Variants in SLC41A3 observed in about 807,000 individuals in gnomAD.
SLC41A3 encodes the protein solute carrier family 41 member 3.
Under a neutral mutation model 45.4 loss-of-function variants are expected in SLC41A3, and 44 were observed. That is an observed-to-expected ratio of 0.97 (90% CI 0.76 to 1.25). The LOEUF is 1.25. SLC41A3 is among the 50% of genes most tolerant of loss of function. SLC41A3 has a pLI of 0.00. For synonymous variants in SLC41A3, 256 were observed against 252.4 expected (o/e 1.01, Z -0.13); for missense variants, 550 against 600.6 (o/e 0.92, Z 0.88).
rs928606820 is a variant in SLC41A3 at position 126,050,862 on chromosome 3, C to T, written c.381+81G>A. The stretch of plus-strand genomic sequence containing the variant: ...TGTTTTGGAGAATCCAACCCACCGC[C>T]CACAAGCCAGGGGAGACCAGGTGGT... On this transcript the variant is annotated intron_variant, in intron 3 of 10. Coordinates refer to ENST00000360370, the MANE Select transcript of SLC41A3 (RefSeq NM_017836.4). The T allele has an allele frequency of 2.0e-6, 3 of 1,492,154 alleles. No homozygotes were observed. The Admixed American group carries it at 6.8e-5, about 34-fold the overall frequency. 92.4% of individuals were successfully genotyped at this position (1,492,154 alleles called of 1,614,324 possible).
rs77162914 is a variant in SLC41A3 at position 126,066,648 on chromosome 3, A to G, written c.273+1299T>C. Among the ~76,000 whole-genome samples the G allele has an allele frequency of 1.1e-4, 16 of 152,328 alleles. No homozygotes were observed. In the East Asian group the frequency reaches 2.9e-3, roughly 28 times the overall value. Reference sequence around the variant, plus strand: ...GCGGGAGTTCAGTCAGAGTAGTGGGAAAAATTATAAAGATAGTTATAGGAA... The same window carrying G: ...GCGGGAGTTCAGTCAGAGTAGTGGGGAAAATTATAAAGATAGTTATAGGAA... On this transcript the variant is annotated intron_variant, in intron 2 of 10. Coordinates refer to ENST00000360370, the MANE Select transcript of SLC41A3 (RefSeq NM_017836.4).
chr3:126,013,643 G>A (rs1418787748), intron 8 of SLC41A3, among the ~76,000 whole-genome samples: 1 of 152,126 alleles, frequency 6.6e-6, no homozygotes, highest in Non-Finnish European at 1.5e-5. Context: ...GCATGCGGCA[G>A]GAGACATGCC....
At chr3:126,008,342 A>G (rs1458769648) in intron 10 of SLC41A3, among the ~76,000 whole-genome samples, 1 of 151,972 alleles carries the variant, frequency 6.6e-6, no homozygotes, top group African/African-American at 2.4e-5. Flanking sequence ...TGCAGTGTGT[A>G]GTGTGTGTGG....
At chr3:126,051,187 G>T in intron 2 of SLC41A3, 137 bp from the exon 3 acceptor site, 1 of 1,033,866 alleles carries the variant, frequency 9.7e-7, no homozygotes, top group Non-Finnish European at 1.3e-6. Flanking sequence ...TTCTTAAATG[G>T]CTTTAAACTA....
intron 8 of SLC41A3, 66 bp downstream of exon 8, chr3:126,015,428 C>T (rs1433686019): frequency 3.9e-6 from 6 of 1,543,716 alleles, no homozygotes; most frequent in Admixed American, 3.4e-5. Flanking sequence ...TCTGCTGTTC[C>T]GGTCCAACCC....
chr3:126,015,560 T>G lies in SLC41A3; in HGVS notation c.904A>C (p.Ile302Leu). Residue 302 changes from isoleucine (I) to leucine (L), a missense_variant, in exon 8 of 11, where the codon ATC (isoleucine) becomes CTC (leucine). Physicochemically the swap from Ile to Leu is conservative, Grantham distance 5 (BLOSUM62 2). Transcript: ENST00000360370. ...TGTTTAGAAACGGTTTTGCTCAAGATGAGTCCTCCGAAACTGGGGAAATAG... is the reference window on the plus strand; with the variant it reads ...TGTTTAGAAACGGTTTTGCTCAAGAGGAGTCCTCCGAAACTGGGGAAATAG... The part of the protein sequence containing the change: ...AMVISSFGGL[I>L]LSKTVSKQQY... 3 of 1,614,198 alleles carry G rather than the reference T, an allele frequency of 1.9e-6. No individual in the cohort carries two copies. Among genetic ancestry groups the G allele is most frequent in the Non-Finnish European group, 2.5e-6 (3 of 1,180,020 alleles).
intron 1 of SLC41A3, among the ~76,000 whole-genome samples, chr3:126,081,236 C>T (rs1459362957): frequency 6.6e-6 from 1 of 152,202 alleles, no homozygotes; most frequent in African/African-American, 2.4e-5. Context: ...GAGGTCATTA[C>T]ATTCAGTGAA....
chr3:126,061,577 T>C (rs886467768), intron 2 of SLC41A3, among the ~76,000 whole-genome samples: 1 of 151,782 alleles, frequency 6.6e-6, no homozygotes, highest in Admixed American at 6.6e-5. Flanking sequence ...CCTGAATGAG[T>C]GAATGAATGA....
chr3:126,015,633 A>T, intron 7 of SLC41A3, 60 bp from the exon 8 acceptor site: 1 of 1,504,660 alleles, frequency 6.6e-7, no homozygotes, highest in Non-Finnish European at 9.2e-7. Context: ...TGGCCCTGCA[A>T]CTCTCCACAC....
At chr3:126,094,446 G>A (rs776041698) in intron 1 of SLC41A3, among the ~76,000 whole-genome samples, 53 of 151,394 alleles carry the variant, frequency 3.5e-4, no homozygotes, top group Middle Eastern at 6.8e-3. Flanking sequence ...CAACATTTTC[G>A]CCTTGGAATT....
At chr3:126,080,929 C>A (rs540650709) in intron 1 of SLC41A3, among the ~76,000 whole-genome samples, 3 of 150,138 alleles carry the variant, frequency 2.0e-5, no homozygotes, top group Admixed American at 6.6e-5. Context: ...CTAGCCTGGG[C>A]AACAGAGCGA....
chr3:126,093,740 G>A (rs1945539764), intron 1 of SLC41A3, among the ~76,000 whole-genome samples: 1 of 152,356 alleles, frequency 6.6e-6, no homozygotes, highest in East Asian at 1.9e-4. Flanking sequence ...TGTGCCATAT[G>A]TGGGAATGGG....
chr3:126,008,973 C>G (rs1939424506), intron 9 of SLC41A3, 93 bp from the exon 10 acceptor site: 1 of 1,493,204 alleles, frequency 6.7e-7, no homozygotes, highest in African/African-American at 1.4e-5. Context: ...ACTCACTCAT[C>G]CATTTATTCC....
intron 4 of SLC41A3, among the ~76,000 whole-genome samples, chr3:126,033,361 G>C (rs189395957): frequency 5.9e-5 from 9 of 152,290 alleles, no homozygotes; most frequent in Non-Finnish European, 1.3e-4. Context: ...AGTCTTTCAA[G>C]AAGTGGGGCT....
chr3:126,033,222 A>C lies in SLC41A3; in HGVS notation c.453+385T>G, dbSNP rs1052065742. On this transcript the variant is annotated intron_variant, in intron 4 of 10. Coordinates refer to ENST00000360370, the MANE Select transcript of SLC41A3 (RefSeq NM_017836.4). The stretch of plus-strand genomic sequence containing the variant: ...ACAGATGCCCAGAAAAAGTAAGATC[A>C]CATGTAAGAGGCAATTACAGGTTGC... Among the ~76,000 whole-genome samples the C allele has an allele frequency of 4.6e-4, 68 of 148,072 alleles. 1 individual carries two copies. Among genetic ancestry groups the C allele is most frequent in the Admixed American group, 6.7e-4 (10 of 14,884 alleles).
At chr3:126,028,966 T>G (rs563229875) in intron 4 of SLC41A3, among the ~76,000 whole-genome samples, 92 of 152,370 alleles carry the variant, frequency 6.0e-4, no homozygotes, top group African/African-American at 2.0e-3. Flanking sequence ...TGGGAGTATT[T>G]ACCCAATACC....
At chr3:126,096,562 C>T (rs1384539624) in intron 1 of SLC41A3, among the ~76,000 whole-genome samples, 43 of 152,248 alleles carry the variant, frequency 2.8e-4, no homozygotes, top group Admixed American at 2.8e-3. Context: ...TGCTTAAAGG[C>T]GTTCTTAAAC....
intron 2 of SLC41A3, among the ~76,000 whole-genome samples, chr3:126,058,838 C>T (rs1490675573): frequency 1.3e-5 from 2 of 152,118 alleles, no homozygotes; most frequent in Non-Finnish European, 2.9e-5. Flanking sequence ...ATGACCCTCA[C>T]GGGGGCCATG....
At chr3:126,057,199 G>T (rs1003907826) in intron 2 of SLC41A3, 6 of 983,184 alleles carry the variant, frequency 6.1e-6, no homozygotes, top group Admixed American at 6.1e-5. Flanking sequence ...ATCTCAAGTT[G>T]TGTCCAGCCA....
Sources: allele counts gnomAD v4.1 joint callset (sites outside exome capture counted in the v4.1 genomes callset), GRCh38; gene constraint gnomAD v4.1.1; transcripts MANE v1.5; gene names NCBI Gene and HGNC (gene_info 2026-07-23, HGNC 2026-07-21).